The following DYNLRB1 variants were observed in gnomAD, a reference collection of about 807,000 sequenced individuals.
DYNLRB1 encodes ROBL/LC7-like 1.
DYNLRB1 carries 6 observed loss-of-function variants against 13.5 expected under a neutral mutation model. The observed-to-expected ratio is 0.44, with a 90% CI of 0.24 to 0.88. The LOEUF (loss-of-function observed/expected upper bound fraction) is 0.88, where lower values mean the gene tolerates loss of function less well. Ranked by LOEUF, DYNLRB1 falls within the 40% of genes least tolerant of loss-of-function variation. The pLI, the probability that DYNLRB1 is intolerant of heterozygous loss-of-function variation, is 0.21. For missense variants in DYNLRB1, 93 were observed against 127.2 expected (o/e 0.73, Z 1.29); for synonymous variants, 43 against 45.0 (o/e 0.96, Z 0.18).
rs768110768 is a variant in DYNLRB1, at chr20:34,516,444, C to G, written c.-15C>G. 1.1e-5 allele frequency: 17 copies of G among 1,613,226 alleles called. No individual in the cohort carries two copies. Among genetic ancestry groups the G allele is most frequent in the Middle Eastern group, 1.6e-4 (1 of 6,078 alleles). ...GCTAAGTGTTCGCTACGCGGGGCTACCGGATCGGTCGGAAATGGTGAGCGT... is the reference window on the plus strand; with the variant it reads ...GCTAAGTGTTCGCTACGCGGGGCTAGCGGATCGGTCGGAAATGGTGAGCGT... On this transcript the variant is annotated 5_prime_UTR_variant, in exon 1 of 4. Transcript: ENST00000357156.
chr20:34,530,316 T>G, intron 2 of DYNLRB1: 1 of 994,770 alleles, frequency 1.0e-6, no homozygotes, highest in East Asian at 1.0e-4. Context: ...CCCACCTGGC[T>G]TTGAATCTGG....
chr20:34,521,982 G>A (rs1388462704), intron 1 of DYNLRB1, among the ~76,000 whole-genome samples: 2 of 151,830 alleles, frequency 1.3e-5, no homozygotes, highest in African/African-American at 2.4e-5. Context: ...AGGCTGCAGT[G>A]AGCCATGATC....
At chr20:34,515,786 C>T (rs962005250), upstream of DYNLRB1, among the ~76,000 whole-genome samples, 5 of 152,222 alleles carry the variant, frequency 3.3e-5, no homozygotes, top group South Asian at 6.2e-4. Flanking sequence ...CCACGCTCCA[C>T]TCAGGGACTC....
intron 1 of DYNLRB1, 145 bp downstream of exon 1, chr20:34,516,606 T>C: frequency 6.6e-7 from 1 of 1,515,108 alleles, no homozygotes; most frequent in Non-Finnish European, 8.8e-7. Context: ...CCCAGCCGAC[T>C]TGAGGGTGGA....
chr20:34,526,062 G>T (rs1293130995), intron 1 of DYNLRB1, among the ~76,000 whole-genome samples: 1 of 152,232 alleles, frequency 6.6e-6, no homozygotes, highest in African/African-American at 2.4e-5. Flanking sequence ...GCCCTGTCCT[G>T]CGTGGGGGTG....
chr20:34,516,328 C>T (rs1380385081), upstream of DYNLRB1: 3 of 1,410,890 alleles, frequency 2.1e-6, no homozygotes, highest in East Asian at 2.5e-5. Flanking sequence ...ATCGGCTCGC[C>T]CGCCCCCGCC....
intron 2 of DYNLRB1, among the ~76,000 whole-genome samples, chr20:34,532,493 C>T (rs919607781): frequency 7.9e-5 from 12 of 152,210 alleles, no homozygotes; most frequent in African/African-American, 2.9e-4. Context: ...CTGGCCCAGT[C>T]TTGTTTTCTT....
rs559142710 is a variant in DYNLRB1 at position 34,516,653 on chromosome 20, G to C, written c.3+192G>C. On this transcript the variant is annotated intron_variant, in intron 1 of 3. Transcript: ENST00000357156. ...GAGGCCTCTAAAGCCTGACCGAGGC[G>C]GGGCCGCCGGATCCCGCTGCCCCTT... 4 of 1,467,670 alleles carry C rather than the reference G, an allele frequency of 2.7e-6. No homozygotes were observed. The East Asian group carries it at 7.7e-5, about 28-fold the overall frequency. 90.9% of individuals were successfully genotyped at this position (1,467,670 alleles called of 1,614,324 possible). A position where few individuals can be genotyped will look rare whatever the true frequency, so the allele number is the denominator to read the frequency against.
At chr20:34,516,735 G>A in intron 1 of DYNLRB1, 3 of 1,543,936 alleles carry the variant, frequency 1.9e-6, no homozygotes, top group Non-Finnish European at 2.6e-6. Context: ...AGGGGTGGGC[G>A]GCGGCCCTGC....
In DYNLRB1 at chr20:34,534,815, C is replaced by T. The variant is rs1317673719; in HGVS notation, c.247+20C>T. On this transcript the variant is annotated intron_variant, in intron 3 of 3. Coordinates refer to ENST00000357156, the MANE Select transcript of DYNLRB1 (RefSeq NM_014183.4). Reference sequence around the variant, plus strand: ...CACCAGGTAAGGGGTCTTCTACCTCCCCATGTAGGAACAGACCTCATGGCA... The same window carrying T: ...CACCAGGTAAGGGGTCTTCTACCTCTCCATGTAGGAACAGACCTCATGGCA... 6.2e-7 allele frequency: 1 copy of T among 1,613,908 alleles called. No individual in the cohort carries two copies.
intron 2 of DYNLRB1, chr20:34,530,189 A>G: frequency 8.6e-7 from 1 of 1,158,308 alleles, no homozygotes; most frequent in Non-Finnish European, 1.1e-6. Flanking sequence ...CCCTAAAGCC[A>G]AGCCTTTTCA....
intron 1 of DYNLRB1, among the ~76,000 whole-genome samples, chr20:34,517,691 C>T (rs1334661294): frequency 1.4e-5 from 2 of 146,582 alleles, no homozygotes; most frequent in Non-Finnish European, 3.0e-5. Flanking sequence ...TGCAGTGGCA[C>T]CATCTTAGTT....
At chr20:34,526,891 C>T (rs1203008287) in intron 2 of DYNLRB1, among the ~76,000 whole-genome samples, 2 of 152,102 alleles carry the variant, frequency 1.3e-5, no homozygotes, top group East Asian at 3.9e-4. Context: ...TGTGTTGATT[C>T]TGCTTTATTG....
intron 3 of DYNLRB1, among the ~76,000 whole-genome samples, chr20:34,537,976 G>A (rs922711788): frequency 1.8e-4 from 23 of 130,858 alleles, no homozygotes; most frequent in Middle Eastern, 4.2e-3. Context: ...AACCGCCCAC[G>A]TGAACAGGCT....
chr20:34,516,998 C>T (rs1979280440), intron 1 of DYNLRB1: 1 of 1,250,202 alleles, frequency 8.0e-7, no homozygotes, highest in Admixed American at 3.8e-5. Flanking sequence ...TTGACGGCCG[C>T]CACTCTGTCG....
At chr20:34,528,485 T>C (rs1360630448) in intron 2 of DYNLRB1, among the ~76,000 whole-genome samples, 1 of 152,082 alleles carries the variant, frequency 6.6e-6, no homozygotes, top group Non-Finnish European at 1.5e-5. Context: ...TCACCTCTGT[T>C]CCCGTGTCAT....
At chr20:34,526,197 A>C in intron 1 of DYNLRB1, 71 bp from the exon 2 acceptor site, 5 of 1,532,954 alleles carry the variant, frequency 3.3e-6, no homozygotes, top group Non-Finnish European at 4.5e-6. Context: ...CGTATGATTC[A>C]TCTGCCTGGG....
chr20:34,537,384 A>G (rs948709143), intron 3 of DYNLRB1, among the ~76,000 whole-genome samples: 2 of 152,140 alleles, frequency 1.3e-5, no homozygotes, highest in Non-Finnish European at 2.9e-5. Flanking sequence ...AGTAAGTTCT[A>G]TGAGGGCAGG....
intron 3 of DYNLRB1, among the ~76,000 whole-genome samples, chr20:34,538,486 T>C (rs1444058827): frequency 6.6e-6 from 1 of 152,028 alleles, no homozygotes; most frequent in East Asian, 1.9e-4. Context: ...TTAACTTCAC[T>C]AGTATTAAAG....
Sources: allele counts gnomAD v4.1 joint callset (sites outside exome capture counted in the v4.1 genomes callset), GRCh38; gene constraint gnomAD v4.1.1; transcripts MANE v1.5; gene names NCBI Gene and HGNC (gene_info 2026-07-23, HGNC 2026-07-21).